The following MLLT3 variants were observed in gnomAD, a reference collection of about 807,000 sequenced individuals.
MLLT3 encodes MLLT3 super elongation complex subunit.
A neutral mutation model predicts 53.2 loss-of-function variants in MLLT3; 4 were observed. That is an observed-to-expected ratio of 0.08 (90% CI 0.04 to 0.17). MLLT3 has a LOEUF of 0.17. Ranked by LOEUF, MLLT3 falls within the 10% of genes least tolerant of loss-of-function variation. The pLI is 1.00. For synonymous variants in MLLT3, 283 were observed against 230.6 expected, an observed-to-expected ratio of 1.23 and a Z score of -2.06; for missense variants, 569 against 684.0, an observed-to-expected ratio of 0.83 and a Z score of 1.87.
chr9:20,604,283 A>G (rs575825280), intron 2 of MLLT3, among the ~76,000 whole-genome samples: 19 of 152,242 alleles, frequency 1.2e-4, no homozygotes, highest in Non-Finnish European at 2.1e-4. Context: ...ATGAGATTTT[A>G]AAGTCAATGA....
In MLLT3 at chr9:20,601,626, T is replaced by A. The variant is rs1245323405; in HGVS notation, c.193+19028A>T. Among the ~76,000 whole-genome samples, 8 of 152,298 alleles carry A rather than the reference T, an allele frequency of 5.3e-5. No individual in the cohort carries two copies. In the East Asian group the frequency reaches 1.5e-3, roughly 29 times the overall value. On this transcript the variant is annotated intron_variant, in intron 2 of 10. Coordinates refer to ENST00000380338, the MANE Select transcript of MLLT3 (RefSeq NM_004529.4). ...GGAAAAAACTGCAAACAGAAAGAAGTGTAGTTTCAATGTGAGTACAATATT... is the reference window on the plus strand; with the variant it reads ...GGAAAAAACTGCAAACAGAAAGAAGAGTAGTTTCAATGTGAGTACAATATT...
chr9:20,405,605 G>A (rs943541494), intron 5 of MLLT3, among the ~76,000 whole-genome samples: 3 of 152,164 alleles, frequency 2.0e-5, no homozygotes, highest in African/African-American at 4.8e-5. Flanking sequence ...GATTAAGTAA[G>A]AAGATATAAA....
chr9:20,573,504 A>T (rs1219526415), intron 2 of MLLT3, among the ~76,000 whole-genome samples: 1 of 152,152 alleles, frequency 6.6e-6, no homozygotes, highest in East Asian at 1.9e-4. Flanking sequence ...AAAAACCACT[A>T]AGACATAATA....
chr9:20,346,402 A>G lies in MLLT3; in HGVS notation c.*41T>C. 2 of 1,459,168 alleles carry G rather than the reference A, an allele frequency of 1.4e-6. No homozygotes were observed. The highest frequency in any genetic ancestry group is 1.8e-6 in the Non-Finnish European group (2 of 1,102,726). The allele number at this position is 1,459,168 out of a possible 1,614,324, so 90.4% of individuals were successfully genotyped here. On this transcript the variant is annotated 3_prime_UTR_variant, in exon 11 of 11. Transcript: ENST00000380338. ...ACCAAAAAAAAAAAAAACCAAAAAA[A>G]AAAAACACAATAGTTCTTGATGCAT...
chr9:20,554,731 C>T (rs373381993), intron 2 of MLLT3, among the ~76,000 whole-genome samples: 1 of 152,184 alleles, frequency 6.6e-6, no homozygotes, highest in African/African-American at 2.4e-5. Context: ...CTATTAAGTA[C>T]CTCTCCCATA....
At chr9:20,437,921 T>C (rs1249071804) in intron 4 of MLLT3, among the ~76,000 whole-genome samples, 1 of 152,228 alleles carries the variant, frequency 6.6e-6, no homozygotes, top group Non-Finnish European at 1.5e-5. Flanking sequence ...TTTGTAGCCA[T>C]GTTCTTTCAA....
At position 20,345,383 on chromosome 9, in the gene MLLT3, T is replaced by A; in HGVS notation, c.*1060A>T. ...AATCTCTGATTCCAGATTTTTAGGATAAAGATGAGTAACACACTGGCAGCT... is the reference window on the plus strand; with the variant it reads ...AATCTCTGATTCCAGATTTTTAGGAAAAAGATGAGTAACACACTGGCAGCT... On this transcript the variant is annotated 3_prime_UTR_variant, in exon 11 of 11. Coordinates refer to ENST00000380338, the MANE Select transcript of MLLT3 (RefSeq NM_004529.4). The A allele has an allele frequency of 4.7e-6, 1 of 210,600 alleles. No homozygotes were observed. Among genetic ancestry groups the A allele is most frequent in the Non-Finnish European group, 9.6e-6 (1 of 103,936 alleles). 13.0% of individuals were successfully genotyped at this position (210,600 alleles called of 1,614,324 possible).
At chr9:20,603,665 CTA>C (rs1820492579) in intron 2 of MLLT3, among the ~76,000 whole-genome samples, 1 of 152,020 alleles carries the variant, frequency 6.6e-6, no homozygotes, top group African/African-American at 2.4e-5. Flanking sequence ...TTTGCAAAAA[CTA>C]TAATAATCTC....
intron 4 of MLLT3, among the ~76,000 whole-genome samples, chr9:20,422,599 C>T (rs1334036215): frequency 7.2e-5 from 11 of 152,132 alleles, no homozygotes; most frequent in African/African-American, 1.9e-4. Context: ...AAAGATGATG[C>T]TGACCGTTCA....
intron 4 of MLLT3, among the ~76,000 whole-genome samples, chr9:20,431,439 T>G (rs1029411333): frequency 6.6e-6 from 1 of 152,138 alleles, no homozygotes; most frequent in African/African-American, 2.4e-5. Flanking sequence ...TAGGTAAGGC[T>G]GGAAAGCAAT....
chr9:20,451,448 CA>C, intron 3 of MLLT3, among the ~76,000 whole-genome samples: 1 of 152,088 alleles, frequency 6.6e-6, no homozygotes, highest in Non-Finnish European at 1.5e-5. Context: ...TAAAACAGAA[CA>C]AAAAACATCA....
chr9:20,526,321 C>G (rs889986522), intron 2 of MLLT3, among the ~76,000 whole-genome samples: 2 of 152,132 alleles, frequency 1.3e-5, no homozygotes, highest in Non-Finnish European at 2.9e-5. Context: ...TTACCAGTTT[C>G]CCAGAAGCCT....
intron 4 of MLLT3, among the ~76,000 whole-genome samples, chr9:20,437,578 T>C (rs1025474223): frequency 1.3e-5 from 2 of 151,798 alleles, no homozygotes; most frequent in African/African-American, 4.8e-5. Context: ...GGAACAGAAA[T>C]CTAGGAAGAA....
At chr9:20,521,534 A>G (rs984658024) in intron 2 of MLLT3, among the ~76,000 whole-genome samples, 3 of 151,702 alleles carry the variant, frequency 2.0e-5, no homozygotes, top group African/African-American at 7.3e-5. Context: ...TCAAGAAAAC[A>G]GAAGAAGAAA....
chr9:20,600,529 G>A (rs1820395499), intron 2 of MLLT3, among the ~76,000 whole-genome samples: 2 of 152,132 alleles, frequency 1.3e-5, no homozygotes, highest in South Asian at 2.1e-4. Context: ...ACACTCCTCA[G>A]GAATAACAGC....
rs1820745700 is a variant in MLLT3 at position 20,341,935 on chromosome 9, T to TTA, written c.*4506_*4507dup. ...CAATCTTTGCAGAGTTTTAAAAATA[T>TTA]TATATATATACTGGCTTTAGGACAC... is the stretch of plus-strand genomic sequence containing the variant. On this transcript the variant is annotated 3_prime_UTR_variant, in exon 11 of 11. Coordinates refer to ENST00000380338, the MANE Select transcript of MLLT3 (RefSeq NM_004529.4). 9.9e-6 allele frequency: 2 copies of TTA among 201,182 alleles called. No individual in the cohort carries two copies. Among genetic ancestry groups the TTA allele is most frequent in the Admixed American group, 6.0e-5 (1 of 16,620 alleles). The allele number at this position is 201,182 out of a possible 1,614,324, so 12.5% of individuals were successfully genotyped here. A position where few individuals can be genotyped will look rare whatever the true frequency, so the allele number is the denominator to read the frequency against.
chr9:20,521,819 A>C (rs1000137767), intron 2 of MLLT3, among the ~76,000 whole-genome samples: 1 of 152,200 alleles, frequency 6.6e-6, no homozygotes, highest in South Asian at 2.1e-4. Flanking sequence ...GCTAGAACTC[A>C]TTAATTGCTG....
intron 2 of MLLT3, among the ~76,000 whole-genome samples, chr9:20,545,737 G>T (rs1425264737): frequency 6.6e-6 from 1 of 151,438 alleles, no homozygotes; most frequent in African/African-American, 2.4e-5. Context: ...TATGAAAGGG[G>T]ACCAGGTCCA....
At chr9:20,617,838 T>C (rs1043804453) in intron 2 of MLLT3, among the ~76,000 whole-genome samples, 1 of 152,170 alleles carries the variant, frequency 6.6e-6, no homozygotes, top group Admixed American at 6.5e-5. Flanking sequence ...TTAATTCAAA[T>C]CCAATTAGCT....
Sources: allele counts gnomAD v4.1 joint callset (sites outside exome capture counted in the v4.1 genomes callset), GRCh38; gene constraint gnomAD v4.1.1; transcripts MANE v1.5; gene names NCBI Gene and HGNC (gene_info 2026-07-23, HGNC 2026-07-21).